The following SV2C variants were observed in gnomAD, a reference collection of about 807,000 sequenced individuals.
The protein encoded by SV2C is solute carrier family 22 member B3.
A neutral mutation model predicts 79.7 loss-of-function variants in SV2C; 49 were observed. The observed-to-expected ratio is 0.61, with a 90% CI of 0.49 to 0.78. The LOEUF (loss-of-function observed/expected upper bound fraction) is 0.78, where lower values mean the gene tolerates loss of function less well. Ranked by LOEUF, SV2C falls within the 30% of genes least tolerant of loss-of-function variation. The probability of loss-of-function intolerance (pLI) is 0.00; values close to 1 mark genes in which losing one functional copy is unlikely to be tolerated. For missense variants in SV2C, 833 were observed against 912.9 expected, an observed-to-expected ratio of 0.91 and a Z score of 1.13; for synonymous variants, 334 against 333.2, an observed-to-expected ratio of 1.00 and a Z score of -0.03.
chr5:76,218,056 C>A (rs1405182692), intron 4 of SV2C, among the ~76,000 whole-genome samples: 5 of 152,148 alleles, frequency 3.3e-5, no homozygotes, highest in Admixed American at 3.3e-4. Flanking sequence ...TGTCAGAGAT[C>A]CTGGAGACAG....
intron 3 of SV2C, among the ~76,000 whole-genome samples, chr5:76,195,860 G>A (rs576720668): frequency 2.4e-4 from 36 of 152,046 alleles, no homozygotes; most frequent in Non-Finnish European, 4.3e-4. Context: ...AAACCCCCAC[G>A]ACACAAGTTT....
At chr5:75,853,882 A>T in the SV2C span, among the ~76,000 whole-genome samples, 1,676 of 151,566 alleles carry the variant, frequency 0.011, 26 homozygotes, top group African/African-American at 0.039. Context: ...GTAAAATGTA[A>T]ATAAAATAAA....
chr5:76,250,326 T>C (rs1232386966), intron 4 of SV2C, among the ~76,000 whole-genome samples: 1 of 152,224 alleles, frequency 6.6e-6, no homozygotes, highest in Non-Finnish European at 1.5e-5. Flanking sequence ...AAAAATACTT[T>C]ATATTTTTAA....
chr5:76,092,139 G>C (rs901776152), intron 1 of SV2C, among the ~76,000 whole-genome samples: 4 of 152,160 alleles, frequency 2.6e-5, no homozygotes. Context: ...ACATTACAGA[G>C]TTTGGAAGAA....
chr5:75,911,179 C>T, the SV2C span: 1 of 1,594,056 alleles, frequency 6.3e-7, no homozygotes, highest in Non-Finnish European at 8.6e-7. Flanking sequence ...GGAAGAAGAG[C>T]CTCTACCAGC....
At chr5:75,864,290 C>T in the SV2C span, among the ~76,000 whole-genome samples, 1 of 151,640 alleles carries the variant, frequency 6.6e-6, no homozygotes, top group Non-Finnish European at 1.5e-5. Context: ...CTTTTCCAAA[C>T]CACTGCTTGT....
the SV2C span, among the ~76,000 whole-genome samples, chr5:75,984,563 ATCTATATCTATC>A: frequency 2.8e-4 from 14 of 50,064 alleles, no homozygotes; most frequent in African/African-American, 5.6e-4. Context: ...CTATCTATCT[ATCTATATCTATC>A]TATCTATCTA....
the SV2C span, among the ~76,000 whole-genome samples, chr5:75,913,431 T>C: frequency 6.6e-6 from 1 of 152,140 alleles, no homozygotes; most frequent in Non-Finnish European, 1.5e-5. Context: ...GCAGGTGAGC[T>C]CCTAGAGGGT....
At chr5:76,246,377 C>T (rs1745948923) in intron 4 of SV2C, among the ~76,000 whole-genome samples, 2 of 152,158 alleles carry the variant, frequency 1.3e-5, no homozygotes, top group South Asian at 4.1e-4. Flanking sequence ...AAGTGATTGT[C>T]TTGAATAATT....
In SV2C at chr5:76,139,856, A is replaced by ATTTTTT. The variant is rs3079931; in HGVS notation, c.580+7545_580+7550dup. Among the ~76,000 whole-genome samples, 9 of 65,390 alleles carry ATTTTTT rather than the reference A, an allele frequency of 1.4e-4. 1 individual carries two copies. Among genetic ancestry groups the ATTTTTT allele is most frequent in the East Asian group, 6.3e-4 (2 of 3,180 alleles). The allele number at this position is 65,390 out of a possible 152,430, so 42.9% of individuals were successfully genotyped here. Reference sequence around the variant, plus strand: ...TCCATTTTTAGAAGCTCTTGAAAGTATTTTTTTTTTTTTTTTTTTTTTTTG... The same window carrying ATTTTTT: ...TCCATTTTTAGAAGCTCTTGAAAGTATTTTTTTTTTTTTTTTTTTTTTTTTTTTTTG... On this transcript the variant is annotated intron_variant, in intron 2 of 12. Transcript: ENST00000502798.
At chr5:76,035,572 C>A in the SV2C span, among the ~76,000 whole-genome samples, 1 of 151,784 alleles carries the variant, frequency 6.6e-6, no homozygotes, top group African/African-American at 2.4e-5. Flanking sequence ...GAGTGAGATT[C>A]TTAATCCTGA....
the SV2C span, among the ~76,000 whole-genome samples, chr5:76,049,399 A>C: frequency 6.6e-6 from 1 of 152,024 alleles, no homozygotes; most frequent in Admixed American, 6.6e-5. Context: ...CAAATATTTG[A>C]TGAATTTATA....
At position 76,295,083 on chromosome 5, in the gene SV2C, A is replaced by G. The variant is rs560982763; in HGVS notation, c.1338-695A>G. 1.8e-4 allele frequency among the ~76,000 whole-genome samples: 28 copies of G among 152,300 alleles called. No homozygotes were observed. In the South Asian group the frequency reaches 5.2e-3, roughly 28 times the overall value. ...AAAGATATTGGGGCCAGGATGTCAGATGTCTTACTCCATTTCTGCTGCTAT... is the reference window on the plus strand; with the variant it reads ...AAAGATATTGGGGCCAGGATGTCAGGTGTCTTACTCCATTTCTGCTGCTAT... On this transcript the variant is annotated intron_variant, in intron 8 of 12. Coordinates refer to ENST00000502798, the MANE Select transcript of SV2C (RefSeq NM_014979.4).
At chr5:76,147,645 G>A (rs184298366) in intron 2 of SV2C, among the ~76,000 whole-genome samples, 6 of 152,268 alleles carry the variant, frequency 3.9e-5, no homozygotes, top group African/African-American at 1.2e-4. Flanking sequence ...AATCAGAGGG[G>A]AACAAGTATG....
At chr5:76,138,904 G>A (rs751932629) in intron 2 of SV2C, among the ~76,000 whole-genome samples, 8 of 152,244 alleles carry the variant, frequency 5.3e-5, no homozygotes, top group Admixed American at 1.3e-4. Context: ...AGATCACGAA[G>A]TCAGGAGATT....
the SV2C span, among the ~76,000 whole-genome samples, chr5:75,952,247 TTTCCTTCC>T: frequency 0.1 from 14,717 of 144,220 alleles, 818 homozygotes; most frequent in African/African-American, 0.15. Context: ...TCTCCTGCAT[TTTCCTTCC>T]TTCCTTCCTT....
downstream of SV2C, among the ~76,000 whole-genome samples, chr5:76,336,112 A>C (rs1749318487): frequency 9.1e-6 from 1 of 109,796 alleles, no homozygotes; most frequent in Non-Finnish European, 2.0e-5. Context: ...GACCCCCCCC[A>C]CCTCCCTCCC....
the SV2C span, among the ~76,000 whole-genome samples, chr5:76,027,937 C>T: frequency 2.0e-5 from 3 of 152,302 alleles, no homozygotes; most frequent in African/African-American, 7.2e-5. Context: ...AGGTGATTCT[C>T]CTCTCAGGTA....
intron 1 of SV2C, among the ~76,000 whole-genome samples, chr5:76,085,036 G>A (rs995677279): frequency 3.8e-4 from 58 of 152,240 alleles, no homozygotes; most frequent in Non-Finnish European, 1.0e-4. Flanking sequence ...CTCCTCTCCC[G>A]CTGAACCTAA....
Sources: gnomAD v4.1 joint callset for allele counts (sites outside exome capture counted in the v4.1 genomes callset) on GRCh38, gnomAD v4.1.1 for gene constraint, MANE v1.5 for transcripts, NCBI Gene and HGNC (gene_info 2026-07-23, HGNC 2026-07-21) for gene names.